Variants in ARMH3 observed in about 807,000 individuals in gnomAD.
ARMH3 encodes armadillo like helical domain containing 3.
Under a neutral mutation model 99.1 loss-of-function variants are expected in ARMH3, and 60 were observed. That is an observed-to-expected ratio of 0.61 (90% CI 0.49 to 0.75). The LOEUF (loss-of-function observed/expected upper bound fraction) is 0.75. ARMH3 is among the 30% of genes least tolerant of loss of function. ARMH3 has a pLI of 0.00. For missense variants in ARMH3, 679 were observed against 843.1 expected, an observed-to-expected ratio of 0.81 and a Z score of 2.41; for synonymous variants, 285 against 292.8, an observed-to-expected ratio of 0.97 and a Z score of 0.27.
At chr10:102,014,845 A>G (rs1222756827) in intron 8 of ARMH3, among the ~76,000 whole-genome samples, 1 of 152,172 alleles carries the variant, frequency 6.6e-6, no homozygotes, top group Admixed American at 6.5e-5. Flanking sequence ...CCTTACACCT[A>G]TGGGATGTGA....
chr10:101,894,157 T>C (rs1400276685), intron 23 of ARMH3, among the ~76,000 whole-genome samples: 1 of 152,184 alleles, frequency 6.6e-6, no homozygotes, highest in Non-Finnish European at 1.5e-5. Flanking sequence ...TTATGTTTTT[T>C]TTGCTGTTTC....
chr10:101,927,102 A>G (rs1843538060), intron 23 of ARMH3, among the ~76,000 whole-genome samples: 1 of 152,238 alleles, frequency 6.6e-6, no homozygotes, highest in African/African-American at 2.4e-5. Flanking sequence ...AATTGGAAAT[A>G]ACATATGGTA....
chr10:101,864,756 G>A (rs1349614088), intron 24 of ARMH3, among the ~76,000 whole-genome samples: 2 of 152,024 alleles, frequency 1.3e-5, no homozygotes, highest in African/African-American at 4.8e-5. Flanking sequence ...GCTGGGGAGA[G>A]GGGGAAGGGA....
At chr10:101,967,937 G>T (rs1220042305) in intron 20 of ARMH3, among the ~76,000 whole-genome samples, 1 of 152,060 alleles carries the variant, frequency 6.6e-6, no homozygotes, top group African/African-American at 2.4e-5. Context: ...ACTGACTAAA[G>T]GCTCCACATT....
chr10:101,950,627 G>A (rs150081198), intron 22 of ARMH3, among the ~76,000 whole-genome samples: 70 of 152,306 alleles, frequency 4.6e-4, no homozygotes, highest in African/African-American at 1.5e-3. Flanking sequence ...AAAAGGGAAC[G>A]AAGTACTGTT....
chr10:101,948,261 T>C (rs1844638113), intron 22 of ARMH3, among the ~76,000 whole-genome samples: 2 of 152,062 alleles, frequency 1.3e-5, no homozygotes, highest in Admixed American at 6.6e-5. Context: ...CACAGTGGTA[T>C]GTGCCTGTAG....
At position 102,001,835 on chromosome 10, in the gene ARMH3, T is replaced by C. The variant is rs1164431542; in HGVS notation, c.1150+136A>G. 4.1e-6 allele frequency: 3 copies of C among 738,228 alleles called. No individual in the cohort carries two copies. The African/African-American group carries it at 5.3e-5, about 13-fold the overall frequency. 45.7% of individuals were successfully genotyped at this position (738,228 alleles called of 1,614,324 possible). A position where few individuals can be genotyped will look rare whatever the true frequency, so the allele number is the denominator to read the frequency against. ...GCAATTAGGTGAGACATCACTATTT[T>C]CCAGCAATGAAGACCATGTACACAA... On this transcript the variant is annotated intron_variant, in intron 15 of 25. Coordinates refer to ENST00000370033, the MANE Select transcript of ARMH3 (RefSeq NM_024541.3).
At chr10:101,857,241 T>C (rs2066756617) in intron 24 of ARMH3, among the ~76,000 whole-genome samples, 1 of 152,152 alleles carries the variant, frequency 6.6e-6, no homozygotes, top group Non-Finnish European at 1.5e-5. Flanking sequence ...GCGGATCACT[T>C]GAGGTCAGGA....
chr10:101,998,584 G>A (rs1048969446), intron 15 of ARMH3, among the ~76,000 whole-genome samples: 3 of 152,180 alleles, frequency 2.0e-5, no homozygotes, highest in African/African-American at 7.2e-5. Context: ...CTTAGACTCT[G>A]CCCACCCAGG....
At chr10:102,035,549 G>C (rs920915676) in intron 2 of ARMH3, among the ~76,000 whole-genome samples, 1 of 145,902 alleles carries the variant, frequency 6.9e-6, no homozygotes, top group African/African-American at 2.4e-5. Context: ...GATTGCAGGC[G>C]CGCGCTGCCA....
At chr10:101,960,509 T>C (rs954616010) in intron 20 of ARMH3, among the ~76,000 whole-genome samples, 2 of 152,172 alleles carry the variant, frequency 1.3e-5, no homozygotes, top group Admixed American at 6.5e-5. Context: ...GAAAACTCCA[T>C]GCCCCATTCC....
At chr10:101,901,259 A>C (rs2067969504) in intron 23 of ARMH3, among the ~76,000 whole-genome samples, 1 of 149,108 alleles carries the variant, frequency 6.7e-6, no homozygotes, top group Admixed American at 6.8e-5. Flanking sequence ...GAGAGATGAG[A>C]GGGTGGGCCA....
chr10:101,906,652 G>T (rs185709830), intron 23 of ARMH3, among the ~76,000 whole-genome samples: 1 of 152,316 alleles, frequency 6.6e-6, no homozygotes, highest in Non-Finnish European at 1.5e-5. Context: ...CTAAACAGAT[G>T]ATGACACCAT....
At chr10:101,935,173 CAATA>C (rs1843902007) in intron 23 of ARMH3, among the ~76,000 whole-genome samples, 1 of 67,882 alleles carries the variant, frequency 1.5e-5, no homozygotes, top group African/African-American at 8.9e-5. Flanking sequence ...AAAGGTGGAG[CAATA>C]TATATATATA....
chr10:101,887,821 G>A (rs184290338), intron 24 of ARMH3, among the ~76,000 whole-genome samples: 22 of 151,780 alleles, frequency 1.4e-4, no homozygotes, highest in Admixed American at 5.3e-4. Flanking sequence ...AAATCGCTTC[G>A]TCTCTGGCCT....
chr10:101,982,702 C>T (rs1846289548), intron 19 of ARMH3, among the ~76,000 whole-genome samples: 5 of 152,062 alleles, frequency 3.3e-5, no homozygotes, highest in Admixed American at 1.3e-4. Context: ...AGCACAAACC[C>T]TATTGTGAAC....
intron 23 of ARMH3, among the ~76,000 whole-genome samples, chr10:101,930,218 A>G (rs1361656727): frequency 6.6e-6 from 1 of 152,146 alleles, no homozygotes; most frequent in East Asian, 1.9e-4. Flanking sequence ...AGAAACCACA[A>G]AATCATCTCA....
rs941012581 is a variant in ARMH3, at chr10:102,001,401, C to CA, written c.1150+569dup. 2.2e-4 allele frequency among the ~76,000 whole-genome samples: 33 copies of CA among 152,230 alleles called. 1 individual carries two copies. Among genetic ancestry groups the CA allele is most frequent in the Admixed American group, 1.1e-3 (17 of 15,292 alleles). On this transcript the variant is annotated intron_variant, in intron 15 of 25. Transcript: ENST00000370033. Reference sequence around the variant, plus strand: ...TCTACCACCAAGTAAAAGGCCATGGCAAAATCACAAACAGAGGAAAAACAG... The same window carrying CA: ...TCTACCACCAAGTAAAAGGCCATGGCAAAAATCACAAACAGAGGAAAAACAG...
At chr10:102,021,863 AT>A (rs905962222) in intron 8 of ARMH3, among the ~76,000 whole-genome samples, 2 of 151,278 alleles carry the variant, frequency 1.3e-5, no homozygotes, top group African/African-American at 2.4e-5. Context: ...TAATTTTTAA[AT>A]TTTTTTTTGT....
Sources: allele counts gnomAD v4.1 joint callset (sites outside exome capture counted in the v4.1 genomes callset), GRCh38; gene constraint gnomAD v4.1.1; transcripts MANE v1.5; gene names NCBI Gene and HGNC (gene_info 2026-07-23, HGNC 2026-07-21).